NRXN1: variants seen among roughly 807,000 people sequenced by gnomAD.
NRXN1 encodes neurexin 1, also known as neurexin-1.
A neutral mutation model predicts 150.9 loss-of-function variants in NRXN1; 39 were observed. The observed-to-expected ratio is 0.26, with a 90% CI of 0.20 to 0.34. The LOEUF is 0.34. NRXN1 is among the 10% of genes least tolerant of loss of function. NRXN1 has a pLI of 1.00. For missense variants in NRXN1, 1,815 were observed against 1,949.9 expected (o/e 0.93, Z 1.30); for synonymous variants, 924 against 757.0 (o/e 1.22, Z -3.62).
intron 5 of NRXN1, among the ~76,000 whole-genome samples, chr2:50,634,367 G>T (rs1682912777): frequency 1.3e-5 from 2 of 152,150 alleles, no homozygotes; most frequent in South Asian, 4.1e-4. Flanking sequence ...GAGCAGTTGG[G>T]TAAATAATCA....
At chr2:50,878,423 G>A (rs1014120690) in intron 5 of NRXN1, among the ~76,000 whole-genome samples, 2 of 151,012 alleles carry the variant, frequency 1.3e-5, no homozygotes, top group Admixed American at 6.6e-5. Context: ...GACACCAGAA[G>A]GCCCTCCTCC....
intron 5 of NRXN1, among the ~76,000 whole-genome samples, chr2:50,886,907 C>T (rs948022363): frequency 6.6e-6 from 1 of 151,266 alleles, no homozygotes; most frequent in Non-Finnish European, 1.5e-5. Context: ...AAACGTGTTT[C>T]TCATATAAGC....
At chr2:50,791,139 A>ATTTTT (rs1559267386) in intron 5 of NRXN1, among the ~76,000 whole-genome samples, 67 of 148,490 alleles carry the variant, frequency 4.5e-4, no homozygotes, top group African/African-American at 1.7e-3. Context: ...TTTTTTTTTA[A>ATTTTT]AAAAAAAGAC....
chr2:51,021,628 C>T (rs1485591650), intron 2 of NRXN1, among the ~76,000 whole-genome samples: 1 of 151,778 alleles, frequency 6.6e-6, no homozygotes, highest in African/African-American at 2.4e-5. Flanking sequence ...CTTGCTTGAA[C>T]TTTTAAAGCC....
chr2:50,759,826 CTGTGTGTGTGTGTGTG>C lies in NRXN1; in HGVS notation c.833-136227_833-136212del, dbSNP rs72209781. Among the ~76,000 whole-genome samples, 78 of 142,400 alleles carry C rather than the reference CTGTGTGTGTGTGTGTG, an allele frequency of 5.5e-4. 1 individual carries two copies. The highest frequency in any genetic ancestry group is 3.2e-3 in the Admixed American group (45 of 14,180). The allele number at this position is 142,400 out of a possible 152,430, so 93.4% of individuals were successfully genotyped here. A position where few individuals can be genotyped will look rare whatever the true frequency, so the allele number is the denominator to read the frequency against. ...GCTTAGCACTATCAATCTAACTAAGCTGTGTGTGTGTGTGTGTGTGTGTGTGTGTGTGTGTGTGTGT... is the reference window on the plus strand; with the variant it reads ...GCTTAGCACTATCAATCTAACTAAGCTGTGTGTGTGTGTGTGTGTGTGTGT... On this transcript the variant is annotated intron_variant, in intron 5 of 22. Coordinates refer to ENST00000401669, the MANE Select transcript of NRXN1 (RefSeq NM_001330078.2).
chr2:50,653,976 CTTTT>C (rs35931647), intron 5 of NRXN1, among the ~76,000 whole-genome samples: 1 of 127,408 alleles, frequency 7.8e-6, no homozygotes, highest in East Asian at 2.3e-4. Flanking sequence ...GCCTTTTCAT[CTTTT>C]TTTTTTTTTT....
chr2:49,944,794 G>A (rs559059588), intron 21 of NRXN1, among the ~76,000 whole-genome samples: 41 of 152,208 alleles, frequency 2.7e-4, no homozygotes, highest in African/African-American at 9.6e-4. Context: ...GATTAGAATT[G>A]TTCAAACAAT....
chr2:50,135,108 G>C (rs975918462), intron 18 of NRXN1, among the ~76,000 whole-genome samples: 4 of 152,164 alleles, frequency 2.6e-5, no homozygotes, highest in African/African-American at 9.7e-5. Flanking sequence ...GCCATTTGCA[G>C]CTTCAAGCAA....
At chr2:50,842,545 G>A (rs1288172167) in intron 5 of NRXN1, among the ~76,000 whole-genome samples, 1 of 152,154 alleles carries the variant, frequency 6.6e-6, no homozygotes, top group Non-Finnish European at 1.5e-5. Flanking sequence ...ATGGCATTCA[G>A]GGTGTCAGCA....
intron 2 of NRXN1, among the ~76,000 whole-genome samples, chr2:50,947,656 T>C (rs905664886): frequency 6.6e-6 from 1 of 151,942 alleles, no homozygotes; most frequent in African/African-American, 2.4e-5. Context: ...CTAGAATCCA[T>C]CAATTAAAAT....
At chr2:50,147,026 T>A (rs1481065291) in intron 18 of NRXN1, among the ~76,000 whole-genome samples, 2 of 151,768 alleles carry the variant, frequency 1.3e-5, no homozygotes, top group Admixed American at 1.3e-4. Flanking sequence ...AATTTTATCC[T>A]ATTTTGTTTC....
chr2:50,623,543 T>C lies in NRXN1; in HGVS notation c.905A>G (p.Gln302Arg). The part of the protein sequence containing the change: ...FCYDLSQNPI[Q>R]SSSDEITLSF... Reference sequence around the variant, plus strand: ...CAGAGTTATTTCATCACTGCTGCTTTGAATGGGGTTTTGAGACAAGTCGTA... The same window carrying C: ...CAGAGTTATTTCATCACTGCTGCTTCGAATGGGGTTTTGAGACAAGTCGTA... Residue 302 changes from glutamine (Q) to arginine (R), a missense_variant, in exon 6 of 23, where the codon CAA (glutamine) becomes CGA (arginine). Transcript: ENST00000401669. The C allele has an allele frequency of 6.2e-7, 1 of 1,613,302 alleles. No homozygotes were observed.
At chr2:50,447,117 G>C (rs1041408857) in intron 17 of NRXN1, among the ~76,000 whole-genome samples, 2 of 151,938 alleles carry the variant, frequency 1.3e-5, no homozygotes, top group Non-Finnish European at 2.9e-5. Context: ...CTGATACTTT[G>C]ACCCCAAACT....
At chr2:50,158,779 G>A (rs1035857442) in intron 18 of NRXN1, among the ~76,000 whole-genome samples, 4 of 152,018 alleles carry the variant, frequency 2.6e-5, no homozygotes, top group African/African-American at 9.7e-5. Flanking sequence ...GAAAGAAAAA[G>A]TTAATAATTT....
chr2:50,614,712 A>G (rs1359042634), intron 8 of NRXN1, among the ~76,000 whole-genome samples: 1 of 127,948 alleles, frequency 7.8e-6, no homozygotes, highest in East Asian at 2.2e-4. Context: ...AGATTAACCT[A>G]TTAAACTAAT....
At chr2:50,809,153 C>T (rs900098383) in intron 5 of NRXN1, among the ~76,000 whole-genome samples, 6 of 152,024 alleles carry the variant, frequency 3.9e-5, no homozygotes, top group Non-Finnish European at 5.9e-5. Context: ...TACAGTTTAT[C>T]AATAATCAGA....
At chr2:50,261,757 A>G (rs932314965) in intron 17 of NRXN1, among the ~76,000 whole-genome samples, 1 of 151,920 alleles carries the variant, frequency 6.6e-6, no homozygotes, top group Non-Finnish European at 1.5e-5. Flanking sequence ...CCATCAGAGC[A>G]GTGTCTACAC....
chr2:49,996,095 C>T (rs1682946360), intron 21 of NRXN1, among the ~76,000 whole-genome samples: 1 of 152,066 alleles, frequency 6.6e-6, no homozygotes, highest in East Asian at 1.9e-4. Context: ...CTTTGAGGAC[C>T]TTATGGTGTA....
At chr2:50,845,294 C>A (rs577588832) in intron 5 of NRXN1, among the ~76,000 whole-genome samples, 2 of 152,140 alleles carry the variant, frequency 1.3e-5, no homozygotes, top group Non-Finnish European at 2.9e-5. Context: ...CTACCATCTA[C>A]GAACACTTAC....
Sources: gnomAD v4.1 joint callset for allele counts (sites outside exome capture counted in the v4.1 genomes callset) on GRCh38, gnomAD v4.1.1 for gene constraint, MANE v1.5 for transcripts, NCBI Gene and HGNC (gene_info 2026-07-23, HGNC 2026-07-21) for gene names.